The following RGL1 variants were observed in gnomAD, a reference collection of about 807,000 sequenced individuals.
RGL1 encodes ral guanine nucleotide dissociation stimulator like 1, also known as ral guanine nucleotide dissociation stimulator-like 1.
Under a neutral mutation model 95.2 loss-of-function variants are expected in RGL1, and 24 were observed. That is an observed-to-expected ratio of 0.25 (90% CI 0.18 to 0.35). The LOEUF is 0.35. Ranked by LOEUF, RGL1 falls within the 10% of genes least tolerant of loss-of-function variation. The probability of loss-of-function intolerance (pLI) is 1.00; values close to 1 mark genes in which losing one functional copy is unlikely to be tolerated. For missense variants in RGL1, 715 were observed against 936.3 expected (o/e 0.76, Z 3.08); for synonymous variants, 329 against 344.9 (o/e 0.95, Z 0.51).
In RGL1 at chr1:183,638,127, A is replaced by G. The variant is rs1437878752; in HGVS notation, c.-33+1626A>G. Among the ~76,000 whole-genome samples, 4 of 152,134 alleles carry G rather than the reference A, an allele frequency of 2.6e-5. No individual in the cohort carries two copies. The East Asian group carries it at 7.7e-4, about 29-fold the overall frequency. On this transcript the variant is annotated intron_variant, in intron 1 of 18. Transcript: ENST00000304685. ...TCTTTTGTATTGCCTTATTTAGGAA[A>G]TTTTTTATTTTCTTATTTGAGAACT...
chr1:183,763,166 A>G (rs563387507), intron 2 of RGL1, among the ~76,000 whole-genome samples: 1 of 152,028 alleles, frequency 6.6e-6, no homozygotes, highest in African/African-American at 2.4e-5. Context: ...ACATATTCTC[A>G]CTCATAAGTG....
intron 4 of RGL1, among the ~76,000 whole-genome samples, chr1:183,874,170 G>A (rs1164149426): frequency 6.9e-6 from 1 of 145,440 alleles, no homozygotes; most frequent in African/African-American, 2.5e-5. Flanking sequence ...TCCTCATAAT[G>A]ATTATGTTTT....
chr1:183,875,996 G>T (rs932930779), intron 4 of RGL1, among the ~76,000 whole-genome samples: 4 of 150,832 alleles, frequency 2.7e-5, no homozygotes, highest in Non-Finnish European at 4.4e-5. Flanking sequence ...CTCTTTCACC[G>T]CAGAACCTCT....
chr1:183,906,005 A>G (rs564400445), intron 13 of RGL1, among the ~76,000 whole-genome samples: 1 of 152,090 alleles, frequency 6.6e-6, no homozygotes, highest in Non-Finnish European at 1.5e-5. Context: ...CTAAAATACT[A>G]TGTGATCCTT....
chr1:183,905,106 A>G lies in RGL1; in HGVS notation c.1472+135A>G, dbSNP rs1449032505. 15 of 1,097,552 alleles carry G rather than the reference A, an allele frequency of 1.4e-5. No homozygotes were observed. The East Asian group carries it at 3.2e-4, about 23-fold the overall frequency. The allele number at this position is 1,097,552 out of a possible 1,614,324, so 68.0% of individuals were successfully genotyped here. ...CTAGGTTCCAGGTCCTTGGTTTTCA[A>G]AGGCGCATGGTGTGGCAGGAAAGGC... On this transcript the variant is annotated intron_variant, in intron 13 of 17. Coordinates refer to ENST00000360851, the MANE Select transcript of RGL1 (RefSeq NM_001297671.3).
intron 2 of RGL1, among the ~76,000 whole-genome samples, chr1:183,787,810 T>C (rs1660250253): frequency 6.6e-6 from 1 of 151,652 alleles, no homozygotes; most frequent in Admixed American, 6.6e-5. Context: ...GAGCTGATTG[T>C]TAAAAAAAAC....
At chr1:183,810,841 G>A (rs180913728) in intron 2 of RGL1, among the ~76,000 whole-genome samples, 21 of 152,304 alleles carry the variant, frequency 1.4e-4, no homozygotes, top group Admixed American at 1.2e-3. Flanking sequence ...TCTGGATGAG[G>A]CGTCCCTTCT....
At chr1:183,707,154 T>C (rs890062100) in intron 1 of RGL1, among the ~76,000 whole-genome samples, 11 of 152,124 alleles carry the variant, frequency 7.2e-5, no homozygotes, top group African/African-American at 2.7e-4. Context: ...GGGGGCCTGG[T>C]TGGGGACTGC....
At chr1:183,865,332 C>T (rs935590549) in intron 3 of RGL1, among the ~76,000 whole-genome samples, 2 of 151,932 alleles carry the variant, frequency 1.3e-5, no homozygotes, top group Non-Finnish European at 2.9e-5. Flanking sequence ...AAAATCAGAC[C>T]CCTGCACCCC....
chr1:183,819,114 G>T lies in RGL1; in HGVS notation c.138+12629G>T, dbSNP rs551088180. Among the ~76,000 whole-genome samples the T allele has an allele frequency of 3.3e-5, 5 of 152,296 alleles. No individual in the cohort carries two copies. The East Asian group carries it at 9.6e-4, about 29-fold the overall frequency. On this transcript the variant is annotated intron_variant, in intron 2 of 17. Transcript: ENST00000360851. ...TGAATTCTGAAGTTATTCTACTTAGGATTTTCATGTATCTTATTATATCTG... is the reference window on the plus strand; with the variant it reads ...TGAATTCTGAAGTTATTCTACTTAGTATTTTCATGTATCTTATTATATCTG...
chr1:183,804,198 A>ATTT (rs10637613), upstream of RGL1, among the ~76,000 whole-genome samples: 31,830 of 149,854 alleles, frequency 0.21, 3,613 homozygotes, highest in African/African-American at 0.27. Context: ...TGGGAGACCT[A>ATTT]TTTTTTTTTT....
chr1:183,923,632 A>G (rs1369943979), intron 17 of RGL1, among the ~76,000 whole-genome samples: 1 of 152,172 alleles, frequency 6.6e-6, no homozygotes, highest in Non-Finnish European at 1.5e-5. Context: ...TTGGTCCTTA[A>G]TTAGAGACAA....
intron 1 of RGL1, among the ~76,000 whole-genome samples, chr1:183,668,388 C>T (rs908479186): frequency 2.0e-5 from 3 of 151,974 alleles, no homozygotes; most frequent in Admixed American, 2.0e-4. Flanking sequence ...TTCTTGCTTG[C>T]ATTGTTTTTG....
intron 1 of RGL1, among the ~76,000 whole-genome samples, chr1:183,680,929 T>C (rs1653168892): frequency 6.6e-6 from 1 of 152,224 alleles, no homozygotes; most frequent in African/African-American, 2.4e-5. Context: ...TATTTTATTC[T>C]CTTTATAGCA....
rs1477037895 is a variant in RGL1 at position 183,883,900 on chromosome 1, A to G, written c.725A>G (p.Tyr242Cys). The G allele has an allele frequency of 1.2e-6, 2 of 1,613,838 alleles. No individual in the cohort carries two copies. The highest frequency in any genetic ancestry group is 1.3e-5 in the African/African-American group (1 of 74,922). ...GATCTCGTGGCAGAGCAGCTGACCTACATGGATGCAGTATGTCTTCTCTTT... is the reference window on the plus strand; with the variant it reads ...GATCTCGTGGCAGAGCAGCTGACCTGCATGGATGCAGTATGTCTTCTCTTT... ...SEDLVAEQLTYMDAQLFKKVV... is the reference protein window; with the variant it reads ...SEDLVAEQLTCMDAQLFKKVV... Residue 242 changes from tyrosine to cysteine, a missense_variant, in exon 6 of 18, where the codon TAC (tyrosine) becomes TGC (cysteine). By Grantham distance (194) the Tyr-to-Cys change is radical (BLOSUM62 -2). This residue lies in a region of RGL1 where 381 missense variants were observed against 484.8 expected (regional missense o/e 0.79). Coordinates refer to ENST00000360851, the MANE Select transcript of RGL1 (RefSeq NM_001297671.3).
chr1:183,829,417 G>A (rs925502564), intron 2 of RGL1, among the ~76,000 whole-genome samples: 2 of 150,700 alleles, frequency 1.3e-5, no homozygotes, highest in Non-Finnish European at 2.9e-5. Flanking sequence ...CTCCAGCCTA[G>A]GCGACAGAAC....
chr1:183,806,331 GA>G (rs755450411), intron 1 of RGL1, 43 bp from the exon 2 acceptor site: 28 of 1,526,434 alleles, frequency 1.8e-5, no homozygotes, highest in Non-Finnish European at 2.3e-5. Context: ...TAGCAGAGAG[GA>G]AAAAAATACT....
chr1:183,910,450 G>A (rs1047507307), intron 14 of RGL1, among the ~76,000 whole-genome samples: 1 of 152,202 alleles, frequency 6.6e-6, no homozygotes, highest in African/African-American at 2.4e-5. Context: ...TTAAGTGGGA[G>A]TTTAGTCTTA....
chr1:183,722,228 CAAA>C (rs759515944), intron 1 of RGL1, among the ~76,000 whole-genome samples: 25 of 94,946 alleles, frequency 2.6e-4, no homozygotes, highest in Admixed American at 2.2e-4. Flanking sequence ...AGTCTGGGAC[CAAA>C]AAAAAAAAAA....
Sources: gnomAD v4.1 joint callset for allele counts (sites outside exome capture counted in the v4.1 genomes callset) on GRCh38, gnomAD v4.1.1 for gene constraint, gnomAD v4.1.1 regional missense constraint, MANE v1.5 for transcripts, NCBI Gene and HGNC (gene_info 2026-07-23, HGNC 2026-07-21) for gene names.